Variants in RGS5 observed in about 807,000 individuals in gnomAD.
The protein encoded by RGS5 is regulator of G protein signaling 5.
A neutral mutation model predicts 18.9 loss-of-function variants in RGS5; 20 were observed. That is an observed-to-expected ratio of 1.06 (90% CI 0.74 to 1.54). The LOEUF (loss-of-function observed/expected upper bound fraction) is 1.54. Among genes scored for constraint, RGS5 ranks in the 40% most tolerant of loss-of-function variants. The pLI is 0.00. For missense variants in RGS5, 201 were observed against 211.8 expected (o/e 0.95, Z 0.32); for synonymous variants, 57 against 76.2 (o/e 0.75, Z 1.31).
intron 2 of RGS5, among the ~76,000 whole-genome samples, chr1:163,238,242 A>G (rs1018293134): frequency 3.3e-5 from 5 of 152,234 alleles, no homozygotes; most frequent in African/African-American, 1.2e-4. Flanking sequence ...ATCCTTGCAA[A>G]TAATAACAGG....
intron 1 of RGS5, among the ~76,000 whole-genome samples, chr1:163,182,671 G>A (rs1208304560): frequency 1.3e-5 from 2 of 152,120 alleles, no homozygotes; most frequent in Non-Finnish European, 2.9e-5. Context: ...ATTCATTTTG[G>A]AAGCCAGATA....
chr1:163,275,335 G>C (rs1223936981), intron 2 of RGS5, among the ~76,000 whole-genome samples: 4 of 152,140 alleles, frequency 2.6e-5, no homozygotes, highest in Non-Finnish European at 5.9e-5. Context: ...TCATGTCCAA[G>C]ATTTCACTGT....
chr1:163,316,973 G>A (rs946005905), intron 1 of RGS5, among the ~76,000 whole-genome samples: 1 of 152,106 alleles, frequency 6.6e-6, no homozygotes, highest in Non-Finnish European at 1.5e-5. Context: ...AACCAGCCCT[G>A]TATAATAGTG....
intron 2 of RGS5, among the ~76,000 whole-genome samples, chr1:163,290,180 A>G (rs1649245035): frequency 6.6e-6 from 1 of 152,156 alleles, no homozygotes; most frequent in African/African-American, 2.4e-5. Context: ...GCTCCTCTAT[A>G]AAACCCCACG....
At chr1:163,285,998 G>GCACACACACACGCACA (rs1553226795) in intron 2 of RGS5, among the ~76,000 whole-genome samples, 23 of 135,104 alleles carry the variant, frequency 1.7e-4, no homozygotes, top group African/African-American at 6.6e-4. Context: ...TTTAATTTAT[G>GCACACACACACGCACA]CACACACACA....
At chr1:163,151,292 G>A (rs1277652521) in intron 4 of RGS5, among the ~76,000 whole-genome samples, 1 of 152,006 alleles carries the variant, frequency 6.6e-6, no homozygotes, top group African/African-American at 2.4e-5. Context: ...CCCAAGTACA[G>A]TGTAAATGGA....
chr1:163,175,042 A>C (rs978841708), intron 1 of RGS5, among the ~76,000 whole-genome samples: 2 of 152,212 alleles, frequency 1.3e-5, no homozygotes, highest in African/African-American at 4.8e-5. Context: ...AGCAAAGAGC[A>C]GATTGGTTCC....
intron 2 of RGS5, among the ~76,000 whole-genome samples, chr1:163,225,483 T>C (rs1364945557): frequency 1.3e-5 from 2 of 152,152 alleles, no homozygotes; most frequent in Admixed American, 6.5e-5. Flanking sequence ...GCTGCAAAAT[T>C]AGAGGCTTTT....
At chr1:163,279,731 G>C (rs955719317) in intron 2 of RGS5, among the ~76,000 whole-genome samples, 2 of 151,792 alleles carry the variant, frequency 1.3e-5, no homozygotes, top group Non-Finnish European at 2.9e-5. Flanking sequence ...TGAAAAATTG[G>C]ATTTTTGATA....
intron 2 of RGS5, among the ~76,000 whole-genome samples, chr1:163,293,366 C>T (rs12134100): frequency 0.067 from 10,264 of 152,210 alleles, 367 homozygotes; most frequent in South Asian, 0.094. Flanking sequence ...GCACATCTGA[C>T]ATGGTGGCAG....
intron 2 of RGS5, among the ~76,000 whole-genome samples, chr1:163,227,318 G>A (rs12741687): frequency 0.16 from 23,759 of 152,214 alleles, 2,175 homozygotes; most frequent in Non-Finnish European, 0.2. Context: ...CATGGTTGGG[G>A]AGGCATCAGG....
intron 1 of RGS5, chr1:163,212,254 C>A (rs148757184): frequency 1.3e-5 from 2 of 152,262 alleles, no homozygotes; most frequent in East Asian, 3.9e-4. Context: ...CCTTGGTATA[C>A]ACTAAGCTTC....
intron 1 of RGS5, among the ~76,000 whole-genome samples, chr1:163,181,269 C>T (rs1658834854): frequency 6.6e-6 from 1 of 152,086 alleles, no homozygotes; most frequent in Admixed American, 6.6e-5. Flanking sequence ...ACATGTACAC[C>T]TACTCCTGTT....
At chr1:163,176,332 C>G (rs1490746615) in intron 1 of RGS5, among the ~76,000 whole-genome samples, 1 of 152,160 alleles carries the variant, frequency 6.6e-6, no homozygotes, top group African/African-American at 2.4e-5. Context: ...CAGAGAAAAG[C>G]CTGTGCAGGC....
intron 3 of RGS5, among the ~76,000 whole-genome samples, chr1:163,154,732 A>G (rs1308450274): frequency 1.3e-5 from 2 of 151,808 alleles, no homozygotes; most frequent in African/African-American, 4.8e-5. Flanking sequence ...ACTTAGTGAC[A>G]CGAGAGTTAG....
chr1:163,162,674 GAGA>G (rs1657856392), intron 2 of RGS5: 2 of 151,834 alleles, frequency 1.3e-5, no homozygotes, highest in African/African-American at 2.4e-5. Context: ...GACTCAAAAG[GAGA>G]AGGTTATAGC....
chr1:163,215,683 T>C (rs1022161088), intron 1 of RGS5, among the ~76,000 whole-genome samples: 1 of 152,184 alleles, frequency 6.6e-6, no homozygotes, highest in Non-Finnish European at 1.5e-5. Context: ...ATTAATCTTA[T>C]AAATAAATTG....
chr1:163,226,183 G>A (rs1469753095), intron 2 of RGS5, among the ~76,000 whole-genome samples: 1 of 93,516 alleles, frequency 1.1e-5, no homozygotes, highest in African/African-American at 3.0e-5. Flanking sequence ...GCCTCCCAAA[G>A]TGCTGGGATT....
chr1:163,246,564 C>CT (rs1647944969), intron 2 of RGS5, among the ~76,000 whole-genome samples: 2 of 152,130 alleles, frequency 1.3e-5, no homozygotes, highest in South Asian at 4.1e-4. Context: ...CAGTGAAACT[C>CT]TGTCTGAAAA....
Sources: gnomAD v4.1 joint callset for allele counts (sites outside exome capture counted in the v4.1 genomes callset) on GRCh38, gnomAD v4.1.1 for gene constraint, MANE v1.5 for transcripts, NCBI Gene and HGNC (gene_info 2026-07-23, HGNC 2026-07-21) for gene names.